Variants in CPNE8 observed in about 807,000 individuals in gnomAD.
CPNE8 encodes the protein copine-8.
CPNE8 carries 45 observed loss-of-function variants against 81.5 expected under a neutral mutation model. The observed-to-expected ratio is 0.55, with a 90% CI of 0.44 to 0.71. CPNE8 has a LOEUF of 0.71. Ranked by LOEUF, CPNE8 falls within the 30% of genes least tolerant of loss-of-function variation. The probability of loss-of-function intolerance (pLI) is 0.00; values close to 1 mark genes in which losing one functional copy is unlikely to be tolerated. For synonymous variants in CPNE8, 252 were observed against 226.3 expected (o/e 1.11, Z -1.02); for missense variants, 594 against 672.1 (o/e 0.88, Z 1.28).
Position 38,762,220 on chromosome 12 carries a change from TAAAG to T in CPNE8, c.576-8_576-5del, listed in dbSNP as rs1941588402. ...TGTCTTGTGACAAATTGTAAAACTA[TAAAG>T]AAAGAGTTTTCAGTTATTTGCATGC... On this transcript the variant is annotated splice_region_variant and splice_polypyrimidine_tract_variant and intron_variant, in intron 8 of 19. Transcript: ENST00000331366. The T allele has an allele frequency of 6.5e-7, 1 of 1,530,724 alleles. No homozygotes were observed. The highest frequency in any genetic ancestry group is 8.9e-7 in the Non-Finnish European group (1 of 1,118,800). The allele number at this position is 1,530,724 out of a possible 1,614,324, so 94.8% of individuals were successfully genotyped here. A position where few individuals can be genotyped will look rare whatever the true frequency, so the allele number is the denominator to read the frequency against.
chr12:38,730,603 A>G (rs922423201), intron 10 of CPNE8, among the ~76,000 whole-genome samples: 1 of 151,736 alleles, frequency 6.6e-6, no homozygotes, highest in Non-Finnish European at 1.5e-5. Context: ...CAATATTAAC[A>G]TTTCAAACAG....
intron 15 of CPNE8, among the ~76,000 whole-genome samples, chr12:38,688,981 T>C (rs1354103564): frequency 3.9e-5 from 6 of 152,192 alleles, no homozygotes; most frequent in Non-Finnish European, 8.8e-5. Context: ...TTTAAATGTG[T>C]TTAAAAACTC....
chr12:38,874,225 G>A (rs548800263), intron 2 of CPNE8, among the ~76,000 whole-genome samples: 6 of 152,180 alleles, frequency 3.9e-5, no homozygotes, highest in Non-Finnish European at 7.4e-5. Context: ...GCCATAGTAC[G>A]AGGTTTTAAT....
intron 19 of CPNE8, among the ~76,000 whole-genome samples, chr12:38,662,040 A>G (rs1938968738): frequency 6.6e-6 from 1 of 152,210 alleles, no homozygotes; most frequent in African/African-American, 2.4e-5. Context: ...ACAAACCCAC[A>G]GCTAATATCA....
rs137928671 is a variant in CPNE8, at chr12:38,785,741, A to C, written c.408-9440T>G. Among the ~76,000 whole-genome samples, 306 of 152,328 alleles carry C rather than the reference A, an allele frequency of 2.0e-3. 2 individuals are homozygous for C. The highest frequency in any genetic ancestry group is 7.2e-3 in the African/African-American group (300 of 41,568). ...ACAAGAAGACATATATAGACACAAC[A>C]AAAAGTTAAAAAGCAGAGGAACAAA... On this transcript the variant is annotated intron_variant, in intron 6 of 19. Transcript: ENST00000331366.
chr12:38,873,239 A>G (rs367744942), intron 2 of CPNE8, among the ~76,000 whole-genome samples, 189 bp from the exon 3 acceptor site: 4 of 152,326 alleles, frequency 2.6e-5, no homozygotes, highest in East Asian at 1.9e-4. Flanking sequence ...AATAAGCAGA[A>G]AACAAACTGT....
intron 6 of CPNE8, among the ~76,000 whole-genome samples, chr12:38,806,960 GACAA>G (rs921166039): frequency 2.0e-4 from 30 of 150,148 alleles, no homozygotes; most frequent in African/African-American, 4.4e-4. Context: ...ACCAACAACA[GACAA>G]ACAGAGAGCC....
At chr12:38,865,019 G>A (rs750093680) in intron 3 of CPNE8, among the ~76,000 whole-genome samples, 2 of 152,122 alleles carry the variant, frequency 1.3e-5, no homozygotes, top group African/African-American at 2.4e-5. Context: ...TAAGAAAATA[G>A]ACAACACTTC....
At chr12:38,693,885 A>C (rs826877) in intron 14 of CPNE8, 47 bp from the exon 15 acceptor site, 1,468,644 of 1,492,772 alleles carry the variant, frequency 0.98, 722,908 homozygotes, top group East Asian at 1. Context: ...AGGGTAAATA[A>C]ATTTAACAAA....
chr12:38,781,345 G>A (rs1942049018), intron 6 of CPNE8, among the ~76,000 whole-genome samples: 1 of 151,872 alleles, frequency 6.6e-6, no homozygotes, highest in Admixed American at 6.6e-5. Context: ...CAGATTAAAT[G>A]CAAATATTGT....
intron 10 of CPNE8, among the ~76,000 whole-genome samples, chr12:38,750,265 A>T (rs1941326440): frequency 6.6e-6 from 1 of 152,196 alleles, no homozygotes. Context: ...GTGCCTAGGA[A>T]GAAGTTTGCT....
chr12:38,820,261 C>T (rs1391895237), intron 6 of CPNE8, among the ~76,000 whole-genome samples: 1 of 151,668 alleles, frequency 6.6e-6, no homozygotes, highest in Non-Finnish European at 1.5e-5. Flanking sequence ...AAAAATTAGC[C>T]GGGCGTGGTG....
At chr12:38,710,421 C>T (rs567984143) in intron 13 of CPNE8, among the ~76,000 whole-genome samples, 1 of 152,134 alleles carries the variant, frequency 6.6e-6, no homozygotes, top group South Asian at 2.1e-4. Flanking sequence ...GTTTGAAGCC[C>T]AGAATCACCA....
Position 38,767,655 on chromosome 12 carries a change from A to G in CPNE8, c.555T>C (p.Tyr185=), listed in dbSNP as rs772824003. The change falls in exon 8 of 20, where the codon TAT becomes TAC. Residue 185 remains tyrosine, a synonymous_variant. Transcript: ENST00000331366. The part of the protein sequence containing the change: ...FGKSDPFLVF[Y]RSNEDGSFTI... ...TCTACCTGCCATCTTCATTACTTCGATAAAATACAAGGAAAGGATCTGATT... is the reference window on the plus strand; with the variant it reads ...TCTACCTGCCATCTTCATTACTTCGGTAAAATACAAGGAAAGGATCTGATT... 3 of 1,562,992 alleles carry G rather than the reference A, an allele frequency of 1.9e-6. No individual in the cohort carries two copies. The highest frequency in any genetic ancestry group is 4.9e-5 in the East Asian group (2 of 40,892).
intron 19 of CPNE8, among the ~76,000 whole-genome samples, chr12:38,657,296 G>A (rs535009346): frequency 2.0e-5 from 3 of 152,230 alleles, no homozygotes; most frequent in East Asian, 3.9e-4. Context: ...GTCTGAGATC[G>A]ACCTGCGAGG....
At chr12:38,761,101 A>T (rs1323645379) in intron 9 of CPNE8, among the ~76,000 whole-genome samples, 2 of 152,190 alleles carry the variant, frequency 1.3e-5, no homozygotes, top group Admixed American at 6.5e-5. Context: ...TTCCTTAAAG[A>T]GAGTAAGGAG....
intron 15 of CPNE8, among the ~76,000 whole-genome samples, chr12:38,691,968 C>T (rs1939685130): frequency 6.6e-6 from 1 of 152,100 alleles, no homozygotes; most frequent in Non-Finnish European, 1.5e-5. Flanking sequence ...ACAGCAATAT[C>T]TAACCTATAT....
intron 6 of CPNE8, among the ~76,000 whole-genome samples, chr12:38,789,457 T>C (rs929901121): frequency 6.6e-6 from 1 of 151,836 alleles, no homozygotes; most frequent in Non-Finnish European, 1.5e-5. Flanking sequence ...CAAATCAAAA[T>C]GGATTACTTA....
intron 10 of CPNE8, among the ~76,000 whole-genome samples, chr12:38,735,874 CTAT>C (rs1940941785): frequency 6.6e-6 from 1 of 151,678 alleles, no homozygotes; most frequent in Admixed American, 6.6e-5. Context: ...CATGTTTTTA[CTAT>C]TAATAGTATA....
Sources: gnomAD v4.1 joint callset for allele counts (sites outside exome capture counted in the v4.1 genomes callset) on GRCh38, gnomAD v4.1.1 for gene constraint, MANE v1.5 for transcripts, NCBI Gene and HGNC (gene_info 2026-07-23, HGNC 2026-07-21) for gene names.